Variants in IQSEC3 observed in about 807,000 individuals in gnomAD.
IQSEC3 encodes the protein IQ motif and Sec7 domain ArfGEF 3.
IQSEC3 carries 50 observed loss-of-function variants against 105.4 expected under a neutral mutation model. The observed-to-expected ratio is 0.47, with a 90% CI of 0.38 to 0.60. The LOEUF (loss-of-function observed/expected upper bound fraction) is 0.60. Ranked by LOEUF, IQSEC3 falls within the 20% of genes least tolerant of loss-of-function variation. The pLI is 0.00. For missense variants in IQSEC3, 1,415 were observed against 1,630.0 expected (o/e 0.87, Z 2.27); for synonymous variants, 708 against 746.0 (o/e 0.95, Z 0.83).
At position 169,044 on chromosome 12, in the gene IQSEC3, A is replaced by T. The variant is rs1555099465; in HGVS notation, c.3003A>T (p.Thr1001=). ...TGGAGAAGCAGCAGGGAACAAAGAC[A>T]CTCTCCTTCAAGCCCTGCGGAGCCC... ...WELEKQQGTK[T]LSFKPCGAQG... The change falls in exon 12 of 14, where the codon ACA becomes ACT. Residue 1001 remains threonine (T), a synonymous_variant. Transcript: ENST00000538872. 1 of 1,613,602 alleles carries T rather than the reference A, an allele frequency of 6.2e-7. No individual in the cohort carries two copies. The highest frequency in any genetic ancestry group is 8.5e-7 in the Non-Finnish European group (1 of 1,179,946).
Position 160,429 on chromosome 12 carries a change from A to G in IQSEC3, c.2444-1497A>G, listed in dbSNP as rs1270210066. Among the ~76,000 whole-genome samples the G allele has an allele frequency of 2.0e-5, 3 of 152,094 alleles. No homozygotes were observed. In the East Asian group the frequency reaches 5.8e-4, roughly 29 times the overall value. The stretch of plus-strand genomic sequence containing the variant: ...TGTTCTGCCTGATACCCAGAAGATA[A>G]ATGTTCAATCTGTTGCCCAGAATGT... On this transcript the variant is annotated intron_variant, in intron 7 of 13. Coordinates refer to ENST00000538872, the MANE Select transcript of IQSEC3 (RefSeq NM_001170738.2).
chr12:169,689 G>A (rs1938868670), intron 12 of IQSEC3, among the ~76,000 whole-genome samples: 1 of 152,168 alleles, frequency 6.6e-6, no homozygotes, highest in South Asian at 2.1e-4. Context: ...TGGCTCCAGA[G>A]CTGGCCCCTC....
At chr12:106,184 G>A (rs1234331564) in intron 2 of IQSEC3, among the ~76,000 whole-genome samples, 1 of 152,238 alleles carries the variant, frequency 6.6e-6, no homozygotes, top group African/African-American at 2.4e-5. Flanking sequence ...CTGAGGATCA[G>A]AGACAACGAA....
At chr12:101,739 C>A (rs1864428891) in intron 2 of IQSEC3, among the ~76,000 whole-genome samples, 1 of 152,196 alleles carries the variant, frequency 6.6e-6, no homozygotes, top group Admixed American at 6.5e-5. Flanking sequence ...GCTTTCCTGG[C>A]TTCTCCGAGA....
In IQSEC3 at chr12:137,560, T is replaced by C. The variant is rs184777304; in HGVS notation, c.904-707T>C. 2.6e-5 allele frequency: 4 copies of C among 151,436 alleles called. No individual in the cohort carries two copies. The East Asian group carries it at 5.8e-4, about 22-fold the overall frequency. 9.4% of individuals were successfully genotyped at this position (151,436 alleles called of 1,614,324 possible). On this transcript the variant is annotated intron_variant, in intron 3 of 13. Transcript: ENST00000538872. ...CTCTTCCACATTTTTTGACAGAATA[T>C]TTTAACACAACTTCAAGATATCATG...
intron 3 of IQSEC3, among the ~76,000 whole-genome samples, chr12:135,870 C>A (rs1417430568): frequency 6.6e-6 from 1 of 152,198 alleles, no homozygotes; most frequent in Non-Finnish European, 1.5e-5. Context: ...ATATTGCAGC[C>A]CTGACTGATA....
chr12:100,460 T>C (rs1555075892), intron 2 of IQSEC3, among the ~76,000 whole-genome samples: 1 of 152,184 alleles, frequency 6.6e-6, no homozygotes, highest in Non-Finnish European at 1.5e-5. Context: ...CTAGTGATCT[T>C]GGGGCACAGA....
Position 139,246 on chromosome 12 carries a change from G to C in IQSEC3, c.1883G>C (p.Ser628Thr), listed in dbSNP as rs940670329. 2 of 1,608,642 alleles carry C rather than the reference G, an allele frequency of 1.2e-6. No individual in the cohort carries two copies. Among genetic ancestry groups the C allele is most frequent in the East Asian group, 4.5e-5 (2 of 44,292 alleles). The change falls in exon 4 of 14, where the codon AGC (serine) becomes ACC (threonine). Residue 628 changes from serine (S) to threonine (T), a missense_variant. Physicochemically the swap from Ser to Thr is moderately conservative, Grantham distance 58. Around this residue, in one of 6 missense-constraint regions of IQSEC3, gnomAD observed 720 missense variants for 633.0 expected, o/e 1.14. Coordinates refer to ENST00000538872, the MANE Select transcript of IQSEC3 (RefSeq NM_001170738.2). ...GACGCCCTGCAGGCCATGATCCTGAGCCTGCCGCGCTACCACTGCGAGAAC... is the reference window on the plus strand; with the variant it reads ...GACGCCCTGCAGGCCATGATCCTGACCCTGCCGCGCTACCACTGCGAGAAC... ...SKDALQAMIL[S>T]LPRYHCENPA...
chr12:129,087 C>T (rs921014440), intron 3 of IQSEC3, among the ~76,000 whole-genome samples: 2 of 152,218 alleles, frequency 1.3e-5, no homozygotes, highest in Non-Finnish European at 2.9e-5. Flanking sequence ...TACTTCAGGT[C>T]GCAGCCGAGG....
At chr12:162,135 T>C in intron 8 of IQSEC3, 70 bp downstream of exon 8, 1 of 1,555,908 alleles carries the variant, frequency 6.4e-7, no homozygotes, top group South Asian at 1.2e-5. Context: ...CTTCCCATTC[T>C]CCTTCTTACC....
intron 1 of IQSEC3, among the ~76,000 whole-genome samples, chr12:86,665 G>A (rs1312317641): frequency 2.6e-5 from 4 of 152,114 alleles, no homozygotes; most frequent in African/African-American, 9.7e-5. Flanking sequence ...CCATATCAGC[G>A]CACGGCCTAG....
chr12:120,562 C>G (rs1276714938), intron 2 of IQSEC3, among the ~76,000 whole-genome samples: 1 of 152,188 alleles, frequency 6.6e-6, no homozygotes, highest in African/African-American at 2.4e-5. Context: ...GTGCCAGGAC[C>G]AGGCATGCTC....
At chr12:158,634 A>G (rs1866781050) in intron 7 of IQSEC3, among the ~76,000 whole-genome samples, 1 of 152,218 alleles carries the variant, frequency 6.6e-6, no homozygotes, top group Non-Finnish European at 1.5e-5. Flanking sequence ...AGAGCTATAC[A>G]GTATTTATAC....
intron 5 of IQSEC3, among the ~76,000 whole-genome samples, chr12:143,042 A>C (rs1322682564): frequency 2.0e-5 from 3 of 152,156 alleles, no homozygotes; most frequent in East Asian, 3.9e-4. Context: ...TCTAACCTGC[A>C]AGGCCCACAT....
intron 2 of IQSEC3, among the ~76,000 whole-genome samples, chr12:124,980 C>T (rs1423258908): frequency 2.0e-5 from 3 of 152,184 alleles, no homozygotes; most frequent in African/African-American, 4.8e-5. Context: ...CTCCTCTTCA[C>T]AGCCGCAGCC....
rs549944840 is a variant in IQSEC3, at chr12:142,970, G to A, written c.2153+1685G>A. 1.2e-4 allele frequency among the ~76,000 whole-genome samples: 18 copies of A among 152,312 alleles called. No homozygotes were observed. The East Asian group carries it at 1.9e-3, about 16-fold the overall frequency. ...AGGAGTGACTCTGCTTCACCCACAG[G>A]CCCTGACTGTTGTCTGTTTTCTTCT... is the stretch of plus-strand genomic sequence containing the variant. On this transcript the variant is annotated intron_variant, in intron 5 of 13. Transcript: ENST00000538872.
At chr12:124,885 A>G (rs1207574629) in intron 2 of IQSEC3, among the ~76,000 whole-genome samples, 1 of 152,090 alleles carries the variant, frequency 6.6e-6, no homozygotes, top group Admixed American at 6.6e-5. Flanking sequence ...GGCTGCAGCC[A>G]TGGCTCAGCC....
chr12:116,970 TA>T (rs1235923209), intron 2 of IQSEC3, among the ~76,000 whole-genome samples: 1 of 152,256 alleles, frequency 6.6e-6, no homozygotes, highest in African/African-American at 2.4e-5. Flanking sequence ...TACATGTGGA[TA>T]TTTTTCTGTA....
At chr12:124,330 A>C (rs1207384860) in intron 2 of IQSEC3, among the ~76,000 whole-genome samples, 2 of 148,888 alleles carry the variant, frequency 1.3e-5, no homozygotes, top group East Asian at 4.0e-4. Flanking sequence ...TGGAGGTTGC[A>C]GTGAGCCAAG....
Sources: gnomAD v4.1 joint callset for allele counts (sites outside exome capture counted in the v4.1 genomes callset) on GRCh38, gnomAD v4.1.1 for gene constraint, gnomAD v4.1.1 regional missense constraint, MANE v1.5 for transcripts, NCBI Gene and HGNC (gene_info 2026-07-23, HGNC 2026-07-21) for gene names.